ACOT13: variants seen among roughly 807,000 people sequenced by gnomAD.
The protein encoded by ACOT13 is acyl-CoA thioesterase 13, also known as acyl-coenzyme A thioesterase 13.
In ACOT13, 10 loss-of-function variants were observed where a neutral mutation model predicts 11.8. That is an observed-to-expected ratio of 0.85 (90% CI 0.53 to 1.44). ACOT13 has a LOEUF of 1.44. Among genes scored for constraint, ACOT13 ranks in the 40% most tolerant of loss-of-function variants. ACOT13 has a pLI of 0.00. For synonymous variants in ACOT13, 53 were observed against 61.0 expected (o/e 0.87, Z 0.61); for missense variants, 172 against 174.1 (o/e 0.99, Z 0.07).
At chr6:24,692,009 G>T (rs1006085382) in intron 1 of ACOT13, among the ~76,000 whole-genome samples, 30 of 152,314 alleles carry the variant, frequency 2.0e-4, no homozygotes, top group African/African-American at 7.0e-4. Flanking sequence ...GGGGATGGTG[G>T]CAAGGGCAGA....
chr6:24,685,328 T>C (rs576685749), intron 1 of ACOT13, among the ~76,000 whole-genome samples: 123 of 136,226 alleles, frequency 9.0e-4, no homozygotes, highest in African/African-American at 3.0e-3. Flanking sequence ...TTCCTTTTAC[T>C]GTACTTTTTT....
chr6:24,668,195 G>A (rs17249505), intron 1 of ACOT13, among the ~76,000 whole-genome samples: 29,604 of 150,664 alleles, frequency 0.2, 3,324 homozygotes, highest in Non-Finnish European at 0.26. Context: ...GGTGTGAGCC[G>A]CCACGCCAGA....
intron 1 of ACOT13, among the ~76,000 whole-genome samples, chr6:24,694,856 A>G (rs1778770103): frequency 2.6e-5 from 4 of 152,198 alleles, no homozygotes; most frequent in Admixed American, 2.6e-4. Context: ...TTTTATTAGT[A>G]TGTCCTTTGG....
At chr6:24,685,367 T>TA (rs1778613191) in intron 1 of ACOT13, among the ~76,000 whole-genome samples, 4 of 134,070 alleles carry the variant, frequency 3.0e-5, no homozygotes, top group African/African-American at 1.1e-4. Context: ...TTTTTTTTGA[T>TA]ACAGAGTCTT....
chr6:24,672,570 C>T (rs979553400), intron 1 of ACOT13, among the ~76,000 whole-genome samples: 5 of 152,100 alleles, frequency 3.3e-5, no homozygotes, highest in Admixed American at 2.6e-4. Context: ...AGCCAGGAGG[C>T]GGAGGTTACA....
At position 24,704,738 on chromosome 6, in the gene ACOT13, T is replaced by A. The variant is rs1778965850; in HGVS notation, c.*3123T>A. On this transcript the variant is annotated 3_prime_UTR_variant, in exon 3 of 3. Coordinates refer to ENST00000230048, the MANE Select transcript of ACOT13 (RefSeq NM_018473.4). ...TTCTTGATTCCTGTTCTTGTTGAAG[T>A]TACACACTCAATTGCCAGGTATTTT... is the stretch of plus-strand genomic sequence containing the variant. 6.6e-6 allele frequency: 1 copy of A among 152,222 alleles called. No homozygotes were observed. The highest frequency in any genetic ancestry group is 6.5e-5 in the Admixed American group (1 of 15,284). The allele number at this position is 152,222 out of a possible 1,614,324, so 9.4% of individuals were successfully genotyped here.
At chr6:24,697,851 T>C in intron 1 of ACOT13, 32 bp from the exon 2 acceptor site, 3 of 1,546,000 alleles carry the variant, frequency 1.9e-6, no homozygotes, top group Non-Finnish European at 2.6e-6. Context: ...TTCTACAGAA[T>C]TAATGTTCAG....
rs993483678 is a variant in ACOT13 at position 24,685,471 on chromosome 6, C to T, written c.82-12412C>T. Among the ~76,000 whole-genome samples the T allele has an allele frequency of 6.4e-4, 97 of 151,484 alleles. 1 individual carries two copies. Among genetic ancestry groups the T allele is most frequent in the African/African-American group, 2.1e-3 (86 of 41,340 alleles). On this transcript the variant is annotated intron_variant, in intron 1 of 2. Coordinates refer to ENST00000230048, the MANE Select transcript of ACOT13 (RefSeq NM_018473.4). ...ACACCATTCTCCTGCCTCAGCCTCC[C>T]GAGTAGCTGGGACTACAGGCGCCTG...
At chr6:24,692,208 G>T (rs1778727904) in intron 1 of ACOT13, among the ~76,000 whole-genome samples, 1 of 152,144 alleles carries the variant, frequency 6.6e-6, no homozygotes, top group African/African-American at 2.4e-5. Flanking sequence ...GTGGTGTCAT[G>T]GGAGTTAAGG....
chr6:24,672,455 A>C (rs1037042395), intron 1 of ACOT13, among the ~76,000 whole-genome samples: 3 of 152,212 alleles, frequency 2.0e-5, no homozygotes, highest in Non-Finnish European at 4.4e-5. Context: ...CCTGGCCAAC[A>C]TGGTGAAACC....
intron 1 of ACOT13, among the ~76,000 whole-genome samples, chr6:24,674,076 A>G (rs112187741): frequency 0.019 from 2,825 of 151,616 alleles, 88 homozygotes; most frequent in African/African-American, 0.063. Context: ...TTTGTTTTTT[A>G]TCTGAGACAG....
At position 24,701,843 on chromosome 6, in the gene ACOT13, CAA is replaced by C. The variant is rs1248680659; in HGVS notation, c.*230_*231del. The C allele has an allele frequency of 2.4e-6, 1 of 415,408 alleles. No individual in the cohort carries two copies. The highest frequency in any genetic ancestry group is 4.2e-6 in the Non-Finnish European group (1 of 235,302). The allele number at this position is 415,408 out of a possible 1,614,324, so 25.7% of individuals were successfully genotyped here. A position where few individuals can be genotyped will look rare whatever the true frequency, so the allele number is the denominator to read the frequency against. ...ATAATTGGGTGAAAAATTCTTAGCT[CAA>C]AGTGTTTTAAAAACAGGTAAAGCAA... On this transcript the variant is annotated 3_prime_UTR_variant, in exon 3 of 3. Transcript: ENST00000230048.
At chr6:24,674,402 G>GGTTT (rs1554189554) in intron 1 of ACOT13, among the ~76,000 whole-genome samples, 7,264 of 151,038 alleles carry the variant, frequency 0.048, 246 homozygotes, top group Non-Finnish European at 0.075. Flanking sequence ...TTTTTGGGGG[G>GGTTT]TTTTGTTTGT....
In ACOT13 at chr6:24,701,908, T is replaced by TAA. The variant is rs1389256928; in HGVS notation, c.*295_*296dup. On this transcript the variant is annotated 3_prime_UTR_variant, in exon 3 of 3. Coordinates refer to ENST00000230048, the MANE Select transcript of ACOT13 (RefSeq NM_018473.4). ...GACCACTCTCAGTTAAGATTAAAAC[T>TAA]AAAGTCCAGTGTTAAGCTAAAGGAG... 1.2e-5 allele frequency: 3 copies of TAA among 260,612 alleles called. No individual in the cohort carries two copies. The highest frequency in any genetic ancestry group is 6.7e-5 in the African/African-American group (3 of 44,928). The allele number at this position is 260,612 out of a possible 1,614,324, so 16.1% of individuals were successfully genotyped here. A position where few individuals can be genotyped will look rare whatever the true frequency, so the allele number is the denominator to read the frequency against.
At chr6:24,685,859 G>A (rs192621390) in intron 1 of ACOT13, among the ~76,000 whole-genome samples, 123 of 152,222 alleles carry the variant, frequency 8.1e-4, no homozygotes, top group African/African-American at 2.9e-3. Flanking sequence ...CAGTCCAAAT[G>A]TTCATAGTGC....
chr6:24,679,715 C>G (rs924129893), intron 1 of ACOT13, among the ~76,000 whole-genome samples: 2 of 152,198 alleles, frequency 1.3e-5, no homozygotes, highest in Admixed American at 1.3e-4. Flanking sequence ...CCAGAGATCA[C>G]CAAACTCTTC....
intron 1 of ACOT13, among the ~76,000 whole-genome samples, chr6:24,689,328 C>T (rs1288338711): frequency 4.6e-5 from 7 of 152,060 alleles, no homozygotes; most frequent in South Asian, 4.2e-4. Context: ...GGGAATACCA[C>T]ACAGCTATTG....
intron 1 of ACOT13, among the ~76,000 whole-genome samples, chr6:24,684,910 G>A (rs560519190): frequency 1.3e-5 from 2 of 152,244 alleles, no homozygotes; most frequent in African/African-American, 4.8e-5. Context: ...TTCTCTGAAG[G>A]CTGAGGCAAG....
At chr6:24,698,826 C>T (rs928437106) in intron 2 of ACOT13, among the ~76,000 whole-genome samples, 3 of 151,872 alleles carry the variant, frequency 2.0e-5, no homozygotes, top group Non-Finnish European at 4.4e-5. Context: ...TTAGTAAAGA[C>T]GGGGTTTCAC....
Sources: gnomAD v4.1 joint callset for allele counts (sites outside exome capture counted in the v4.1 genomes callset) on GRCh38, gnomAD v4.1.1 for gene constraint, MANE v1.5 for transcripts, NCBI Gene and HGNC (gene_info 2026-07-23, HGNC 2026-07-21) for gene names.